PFAS: variants seen among roughly 807,000 people sequenced by gnomAD.
PFAS encodes the protein FGAM synthase.
A neutral mutation model predicts 140.6 loss-of-function variants in PFAS; 97 were observed. That is an observed-to-expected ratio of 0.69 (90% CI 0.59 to 0.82). The LOEUF (loss-of-function observed/expected upper bound fraction) is 0.82, where lower values mean the gene tolerates loss of function less well. PFAS is among the 40% of genes least tolerant of loss of function. PFAS has a pLI of 0.00. For missense variants in PFAS, 1,656 were observed against 1,780.2 expected, an observed-to-expected ratio of 0.93 and a Z score of 1.26; for synonymous variants, 679 against 718.8, an observed-to-expected ratio of 0.94 and a Z score of 0.88.
At chr17:8,262,500 G>T (rs570058941) in intron 11 of PFAS, 2 of 176,704 alleles carry the variant, frequency 1.1e-5, no homozygotes, top group African/African-American at 4.8e-5. Context: ...CAGTCAAGTG[G>T]TAAGGCTTCT....
rs774615536 is a variant in PFAS at position 8,268,808 on chromosome 17, C to G, written c.3658C>G (p.Arg1220Gly). The part of the protein sequence containing the change: ...RVGPGPALML[R>G]GMEGAVLPVW... The stretch of plus-strand genomic sequence containing the variant: ...GGGGCCTGGGCCAGCCCTGATGCTG[C>G]GAGGGATGGAGGGCGCCGTGCTGCC... Residue 1220 changes from arginine to glycine, a missense_variant, in exon 27 of 28, where the codon CGA (arginine) becomes GGA (glycine). By Grantham distance (125) the Arg-to-Gly change is moderately radical. Coordinates refer to ENST00000314666, the MANE Select transcript of PFAS (RefSeq NM_012393.3). 6.2e-7 allele frequency: 1 copy of G among 1,608,082 alleles called. No homozygotes were observed. The highest frequency in any genetic ancestry group is 2.2e-5 in the East Asian group (1 of 44,840).
rs1989876539 is a variant in PFAS at position 8,267,713 on chromosome 17, A to T, written c.3382+48A>T. 1 of 1,073,328 alleles carries T rather than the reference A, an allele frequency of 9.3e-7. No individual in the cohort carries two copies. The highest frequency in any genetic ancestry group is 1.5e-5 in the African/African-American group (1 of 64,594). The allele number at this position is 1,073,328 out of a possible 1,614,324, so 66.5% of individuals were successfully genotyped here. A position where few individuals can be genotyped will look rare whatever the true frequency, so the allele number is the denominator to read the frequency against. On this transcript the variant is annotated intron_variant, in intron 26 of 27. Coordinates refer to ENST00000314666, the MANE Select transcript of PFAS (RefSeq NM_012393.3). This position sits in a 1 kb window ranked among gnomAD's most constrained non-coding sequence, Gnocchi z 4.9. ...ACTCCCTTCCCCCACATTCCTGAAG[A>T]GGTGCCTTTAGCCCCATCTTCCTGG...
rs752897820 is a variant in PFAS, at chr17:8,265,439, G to A, written c.2432G>A (p.Arg811Gln). 7 of 1,614,108 alleles carry A rather than the reference G, an allele frequency of 4.3e-6. No individual in the cohort carries two copies. The highest frequency in any genetic ancestry group is 3.3e-5 in the Admixed American group (2 of 60,010). ...GGKDSLSMAA[R>Q]VGTETVRAPG... ...AAGGACTCCCTCAGCATGGCTGCTC[G>A]GGTTGGCACTGAGACCGTGCGGGCT... is the stretch of plus-strand genomic sequence containing the variant. Residue 811 changes from arginine to glutamine, a missense_variant, in exon 19 of 28, where the codon CGG becomes CAG. This residue lies in a region of PFAS where 883 missense variants were observed against 1,023.0 expected (regional missense o/e 0.86). Coordinates refer to ENST00000314666, the MANE Select transcript of PFAS (RefSeq NM_012393.3).
Position 8,264,606 on chromosome 17 carries a change from T to C in PFAS, c.2049+5T>C. On this transcript the variant is annotated splice_donor_5th_base_variant and intron_variant, in intron 17 of 27. Transcript: ENST00000314666. ...AAGCGCTACCTCACCAATAAGGTCC[T>C]CCCTGCACCCTTCCTCTGCCCCCTG... is the stretch of plus-strand genomic sequence containing the variant. The C allele has an allele frequency of 6.3e-7, 1 of 1,599,830 alleles. No individual in the cohort carries two copies. Among genetic ancestry groups the C allele is most frequent in the Non-Finnish European group, 8.5e-7 (1 of 1,173,594 alleles).
chr17:8,260,399 A>G (rs1989545020), intron 11 of PFAS, among the ~76,000 whole-genome samples: 1 of 152,216 alleles, frequency 6.6e-6, no homozygotes, highest in Non-Finnish European at 1.5e-5. Flanking sequence ...ATCATACAAT[A>G]TGCGGCCTTT....
rs1392048287 is a variant in PFAS, at chr17:8,255,024, C to A, written c.279-3C>A. On this transcript the variant is annotated splice_polypyrimidine_tract_variant and splice_region_variant and intron_variant, in intron 3 of 27. Transcript: ENST00000314666. The stretch of plus-strand genomic sequence containing the variant: ...AGTCCTAACCATCAGGCCCATTGTT[C>A]AGGCTGAACTTCTCCACCCCAACAT... 9 of 1,610,702 alleles carry A rather than the reference C, an allele frequency of 5.6e-6. No individual in the cohort carries two copies. Among genetic ancestry groups the A allele is most frequent in the Admixed American group, 1.7e-5 (1 of 59,996 alleles).
At chr17:8,268,049 A>AATAT (rs373386097) in intron 26 of PFAS, among the ~76,000 whole-genome samples, 1,980 of 135,388 alleles carry the variant, frequency 0.015, 27 homozygotes, top group South Asian at 0.043. Context: ...TATATTTTTA[A>AATAT]ATATATATAT....
At chr17:8,262,533 A>G (rs756204339) in intron 11 of PFAS, 3 of 212,796 alleles carry the variant, frequency 1.4e-5, no homozygotes, top group Non-Finnish European at 2.9e-5. Context: ...GTGGCTCACG[A>G]CTGTAATCCC....
chr17:8,249,492 T>G (rs886996087), intron 1 of PFAS, 153 bp downstream of exon 1: 3 of 152,270 alleles, frequency 2.0e-5, no homozygotes, highest in African/African-American at 7.2e-5. Context: ...AGGCGTCCAT[T>G]CGTCCTATCT....
chr17:8,255,846 C>A lies in PFAS; in HGVS notation c.616C>A (p.Arg206Ser), dbSNP rs747639962. 18 of 1,613,946 alleles carry A rather than the reference C, an allele frequency of 1.1e-5. No individual in the cohort carries two copies. Among genetic ancestry groups the A allele is most frequent in the Non-Finnish European group, 1.5e-5 (18 of 1,179,960 alleles). The change falls in exon 6 of 28, where the codon CGC (arginine) becomes AGC (serine). Residue 206 changes from arginine to serine, a missense_variant. Around this residue, in one of 2 missense-constraint regions of PFAS, gnomAD observed 773 missense variants for 757.3 expected, o/e 1.02. Coordinates refer to ENST00000314666, the MANE Select transcript of PFAS (RefSeq NM_012393.3). ...DSWDLDFYTK[R>S]FQELQRNPST... ...TTGGGACCTAGACTTCTACACCAAG[C>A]GCTTCCAGGAGCTACAGCGGAACCC... is the stretch of plus-strand genomic sequence containing the variant.
rs1162311231 is a variant in PFAS at position 8,264,913 on chromosome 17, G to A, written c.2068G>A (p.Gly690Ser). Reference protein sequence around the residue: ...LTNKVDRSVGGLVAQQQCVGP... With the variant: ...LTNKVDRSVGSLVAQQQCVGP... ...TCCACAGGTGGACCGCTCTGTGGGA[G>A]GCCTGGTGGCCCAGCAGCAGTGCGT... Residue 690 changes from glycine (G) to serine (S), a missense_variant, in exon 18 of 28, where the codon GGC becomes AGC. Around this residue, in one of 2 missense-constraint regions of PFAS, gnomAD observed 883 missense variants for 1,023.0 expected, o/e 0.86. Transcript: ENST00000314666. 3.8e-6 allele frequency: 6 copies of A among 1,593,218 alleles called. No homozygotes were observed. The highest frequency in any genetic ancestry group is 5.1e-6 in the Non-Finnish European group (6 of 1,167,218).
rs1989948522 is a variant in PFAS at position 8,269,345 on chromosome 17, C to T, written c.*81C>T. 2.0e-6 allele frequency: 2 copies of T among 986,768 alleles called. No homozygotes were observed. Among genetic ancestry groups the T allele is most frequent in the Non-Finnish European group, 3.0e-6 (2 of 665,366 alleles). The allele number at this position is 986,768 out of a possible 1,614,324, so 61.1% of individuals were successfully genotyped here. ...CCCTCCCCCATGACCTTCAGGAGCACCCCATATTATTTCCAAAAATATCTT... is the reference window on the plus strand; with the variant it reads ...CCCTCCCCCATGACCTTCAGGAGCATCCCATATTATTTCCAAAAATATCTT... On this transcript the variant is annotated 3_prime_UTR_variant, in exon 28 of 28. Transcript: ENST00000314666.
Position 8,265,006 on chromosome 17 carries a change from G to T in PFAS, c.2161G>T (p.Ala721Ser). The T allele has an allele frequency of 6.2e-7, 1 of 1,613,566 alleles. No homozygotes were observed. The highest frequency in any genetic ancestry group is 1.3e-5 in the African/African-American group (1 of 75,054). The change falls in exon 18 of 28, where the codon GCT becomes TCT. Residue 721 changes from alanine to serine, a missense_variant. This residue lies in a region of PFAS where 883 missense variants were observed against 1,023.0 expected (regional missense o/e 0.86). Coordinates refer to ENST00000314666, the MANE Select transcript of PFAS (RefSeq NM_012393.3). ...VALSHEELIGAATALGEQPVK... is the reference protein window; with the variant it reads ...VALSHEELIGSATALGEQPVK... ...ACTGAGCCATGAGGAGCTCATAGGGGCTGCCACAGCCTTGGGAGAACAGCC... is the reference window on the plus strand; with the variant it reads ...ACTGAGCCATGAGGAGCTCATAGGGTCTGCCACAGCCTTGGGAGAACAGCC...
intron 11 of PFAS, 87 bp from the exon 12 acceptor site, chr17:8,262,833 A>G (rs1597424880): frequency 9.9e-7 from 1 of 1,006,398 alleles, no homozygotes; most frequent in Non-Finnish European, 1.6e-6. Flanking sequence ...CCCTAACATC[A>G]GCTTCCTCTG....
At chr17:8,264,635 C>T in intron 17 of PFAS, 34 bp downstream of exon 17, 1 of 1,566,372 alleles carries the variant, frequency 6.4e-7, no homozygotes, top group Non-Finnish European at 8.7e-7. Flanking sequence ...CCCCCTGCCT[C>T]CTTCCTCCGC....
chr17:8,264,958 C>G lies in PFAS; in HGVS notation c.2113C>G (p.Leu705Val), dbSNP rs1989751268. The G allele has an allele frequency of 6.2e-7, 1 of 1,611,864 alleles. No individual in the cohort carries two copies. The highest frequency in any genetic ancestry group is 8.5e-7 in the Non-Finnish European group (1 of 1,178,788). ...GTGCGTGGGGCCCCTGCAAACTCCT[C>G]TGGCAGATGTAGCGGTTGTGGCACT... ...QQCVGPLQTP[L>V]ADVAVVALSH... Residue 705 changes from leucine to valine, a missense_variant, in exon 18 of 28, where the codon CTG becomes GTG. Transcript: ENST00000314666.
chr17:8,253,113 A>G (rs946827380), intron 1 of PFAS, among the ~76,000 whole-genome samples: 3 of 152,084 alleles, frequency 2.0e-5, no homozygotes, highest in Non-Finnish European at 2.9e-5. Flanking sequence ...GGCTGATACC[A>G]TTTCTCTCAG....
chr17:8,266,260 G>A lies in PFAS; in HGVS notation c.2728G>A (p.Val910Ile), dbSNP rs1989809660. 1 of 1,614,084 alleles carries A rather than the reference G, an allele frequency of 6.2e-7. No homozygotes were observed. The change falls in exon 22 of 28, where the codon GTC becomes ATC. Residue 910 changes from valine to isoleucine, a missense_variant. By Grantham distance (29) the Val-to-Ile change is conservative. Transcript: ENST00000314666. This position sits in a 1 kb window ranked among gnomAD's most constrained non-coding sequence, Gnocchi z 5.0. ...KDRLLCSGHD[V>I]SDGGLVTCLL... is the part of the protein sequence containing the mutation. ...CCGCCTCCTCTGCTCAGGCCACGATGTCAGTGACGGAGGCCTCGTCACATG... is the reference window on the plus strand; with the variant it reads ...CCGCCTCCTCTGCTCAGGCCACGATATCAGTGACGGAGGCCTCGTCACATG...
Position 8,266,677 on chromosome 17 carries a change from C to T in PFAS, c.2822-76C>T. The T allele has an allele frequency of 6.5e-7, 1 of 1,534,758 alleles. No individual in the cohort carries two copies. The highest frequency in any genetic ancestry group is 8.7e-7 in the Non-Finnish European group (1 of 1,144,936). On this transcript the variant is annotated intron_variant, in intron 22 of 27. Transcript: ENST00000314666. This position sits in a 1 kb window ranked among gnomAD's most constrained non-coding sequence, Gnocchi z 5.0. Reference sequence around the variant, plus strand: ...CCCTCTGACCCTCACCCTGGCCCTTCCTGCATTTCCCTGATCCCGCCCCAA... The same window carrying T: ...CCCTCTGACCCTCACCCTGGCCCTTTCTGCATTTCCCTGATCCCGCCCCAA...
Sources: allele counts gnomAD v4.1 joint callset (sites outside exome capture counted in the v4.1 genomes callset), GRCh38; gene constraint gnomAD v4.1.1; regional missense constraint gnomAD v4.1.1; non-coding constraint Gnocchi (gnomAD v3.1); transcripts MANE v1.5; gene names NCBI Gene and HGNC (gene_info 2026-07-23, HGNC 2026-07-21).